The following SPEN variants were observed in gnomAD, a reference collection of about 807,000 sequenced individuals.
The protein encoded by SPEN is msx2-interacting protein.
SPEN carries 18 observed loss-of-function variants against 269.9 expected under a neutral mutation model. The ratio of observed to expected loss-of-function variants is 0.07; its 90% CI spans 0.05 to 0.10. The LOEUF (loss-of-function observed/expected upper bound fraction) is 0.10, where lower values mean the gene tolerates loss of function less well. Among genes scored for constraint, SPEN ranks in the 10% least tolerant of loss-of-function variants. The probability of loss-of-function intolerance (pLI) is 1.00; values close to 1 mark genes in which losing one functional copy is unlikely to be tolerated. For missense variants in SPEN, 3,822 were observed against 4,631.2 expected (o/e 0.83, Z 5.07); for synonymous variants, 1,726 against 1,765.7 (o/e 0.98, Z 0.56).
At chr1:15,916,900 G>T (rs754042480) in intron 6 of SPEN, among the ~76,000 whole-genome samples, 2 of 152,174 alleles carry the variant, frequency 1.3e-5, no homozygotes, top group Admixed American at 6.5e-5. Flanking sequence ...GGTGAGGTGG[G>T]CAGATCACTT....
At chr1:15,859,905 CTTTTTT>C (rs34195453) in intron 1 of SPEN, among the ~76,000 whole-genome samples, 6 of 79,632 alleles carry the variant, frequency 7.5e-5, no homozygotes, top group South Asian at 1.1e-3. Flanking sequence ...CAGTTAACAT[CTTTTTT>C]TTTTTTTTTT....
At chr1:15,873,283 C>T in intron 2 of SPEN, 147 bp downstream of exon 2, 1 of 1,395,360 alleles carries the variant, frequency 7.2e-7, no homozygotes, top group Non-Finnish European at 9.3e-7. Flanking sequence ...TGATTTATAT[C>T]CCAATGGCTG....
Position 15,931,117 on chromosome 1 carries a change from A to G in SPEN, c.4877A>G (p.Asn1626Ser). Residue 1626 changes from asparagine (N) to serine (S), a missense_variant, in exon 11 of 15, where the codon AAT becomes AGT. Asn to Ser is a conservative substitution (Grantham distance 46, BLOSUM62 1). Around this residue, in one of 16 missense-constraint regions of SPEN, gnomAD observed 533 missense variants for 618.8 expected, o/e 0.86. Coordinates refer to ENST00000375759, the MANE Select transcript of SPEN (RefSeq NM_015001.3). The surrounding 1 kb of genome is among the most constrained non-coding windows in gnomAD (Gnocchi z 4.8). The part of the protein sequence containing the change: ...HPKTPESAPE[N>S]KDSELKTPPS... ...AAGACCCCAGAATCTGCTCCTGAGA[A>G]TAAAGATTCAGAACTGAAAACTCCA... is the stretch of plus-strand genomic sequence containing the variant. 1 of 1,614,230 alleles carries G rather than the reference A, an allele frequency of 6.2e-7. No homozygotes were observed. The highest frequency in any genetic ancestry group is 1.7e-5 in the Admixed American group (1 of 60,028).
intron 3 of SPEN, among the ~76,000 whole-genome samples, chr1:15,895,401 T>C (rs1557746980): frequency 6.6e-6 from 1 of 152,214 alleles, no homozygotes. Flanking sequence ...GGTACCCATA[T>C]ATGTGGAACC....
rs2070294760 is a variant in SPEN, at chr1:15,848,282, C to T, written c.83+132C>T. 2.1e-6 allele frequency: 1 copy of T among 473,094 alleles called. No homozygotes were observed. 29.3% of individuals were successfully genotyped at this position (473,094 alleles called of 1,614,324 possible). On this transcript the variant is annotated intron_variant, in intron 1 of 14. Transcript: ENST00000375759. The surrounding 1 kb of genome is among the most constrained non-coding windows in gnomAD (Gnocchi z 5.1). ...GCCCGGACCCACGGGCGCTGTGGGA[C>T]CTCGTCAGCCGCTCGGCCCGCGTCG... is the stretch of plus-strand genomic sequence containing the variant.
chr1:15,891,223 C>G (rs996145436), intron 3 of SPEN, among the ~76,000 whole-genome samples: 1 of 152,104 alleles, frequency 6.6e-6, no homozygotes, highest in African/African-American at 2.4e-5. Flanking sequence ...CAGTCTTGCT[C>G]TGTCACCCTG....
At position 15,847,933 on chromosome 1, in the gene SPEN, AGCCGCCGCCGCTGCCGACGCCACCGCC is replaced by A; in HGVS notation, c.-132_-106del. On this transcript the variant is annotated 5_prime_UTR_variant, in exon 1 of 15. Transcript: ENST00000375759. ...TCTCTGCACGGGGGGGAGCCGGAGG[AGCCGCCGCCGCTGCCGACGCCACCGCC>A]GCAGCCGCCGCCGCCGCCGCCCCGG... 1 of 370,462 alleles carries A rather than the reference AGCCGCCGCCGCTGCCGACGCCACCGCC, an allele frequency of 2.7e-6. No individual in the cohort carries two copies. The highest frequency in any genetic ancestry group is 4.7e-6 in the Non-Finnish European group (1 of 214,474). The allele number at this position is 370,462 out of a possible 1,614,324, so 22.9% of individuals were successfully genotyped here. A position where few individuals can be genotyped will look rare whatever the true frequency, so the allele number is the denominator to read the frequency against.
chr1:15,935,560 G>A lies in SPEN; in HGVS notation c.9320G>A (p.Ser3107Asn), dbSNP rs1470491514. 6.2e-7 allele frequency: 1 copy of A among 1,614,024 alleles called. No homozygotes were observed. Among genetic ancestry groups the A allele is most frequent in the South Asian group, 1.1e-5 (1 of 91,084 alleles). Residue 3107 changes from serine to asparagine, a missense_variant, in exon 11 of 15, where the codon AGT (serine) becomes AAT (asparagine). This residue lies in a region of SPEN where 153 missense variants were observed against 228.5 expected (regional missense o/e 0.67). Transcript: ENST00000375759. The surrounding 1 kb of genome is among the most constrained non-coding windows in gnomAD (Gnocchi z 7.7). ...AGAATGAACACTCCCACGCTGCCCAGTATCACCTACAGCATCCGGCCAGAA... is the reference window on the plus strand; with the variant it reads ...AGAATGAACACTCCCACGCTGCCCAATATCACCTACAGCATCCGGCCAGAA... ...EVRMNTPTLP[S>N]ITYSIRPEAL...
At chr1:15,893,374 A>G (rs1355888318) in intron 3 of SPEN, among the ~76,000 whole-genome samples, 1 of 152,168 alleles carries the variant, frequency 6.6e-6, no homozygotes, top group Non-Finnish European at 1.5e-5. Flanking sequence ...ATGCTGTGTC[A>G]TGGTGTGTGG....
intron 3 of SPEN, among the ~76,000 whole-genome samples, chr1:15,908,156 C>T (rs1359576099): frequency 1.3e-5 from 2 of 151,656 alleles, no homozygotes; most frequent in East Asian, 3.8e-4. Context: ...AAAAATTACC[C>T]ATGAGGTAGT....
chr1:15,914,606 T>C (rs1483156217), intron 5 of SPEN, among the ~76,000 whole-genome samples: 1 of 152,160 alleles, frequency 6.6e-6, no homozygotes, highest in Non-Finnish European at 1.5e-5. Context: ...GCGGATCACC[T>C]GAGGTCAGGA....
At chr1:15,917,980 A>G (rs2071081228) in intron 6 of SPEN, 1 of 152,220 alleles carries the variant, frequency 6.6e-6, no homozygotes, top group Non-Finnish European at 1.5e-5. Context: ...TGATGGAGAA[A>G]TGGATGACCT....
chr1:15,918,025 G>A (rs978191247), intron 6 of SPEN: 1 of 152,030 alleles, frequency 6.6e-6, no homozygotes, highest in African/African-American at 2.4e-5. Flanking sequence ...AAATTATTTT[G>A]GTTTTGTGGG....
At chr1:15,902,489 TA>T (rs1364024828) in intron 3 of SPEN, among the ~76,000 whole-genome samples, 7 of 152,074 alleles carry the variant, frequency 4.6e-5, no homozygotes, top group African/African-American at 1.7e-4. Context: ...GTGGAAGTAT[TA>T]TTACTTGCTG....
intron 3 of SPEN, among the ~76,000 whole-genome samples, chr1:15,891,198 A>T (rs1475294731): frequency 2.0e-5 from 3 of 151,412 alleles, no homozygotes; most frequent in South Asian, 4.2e-4. Context: ...TATGAAAAAA[A>T]TTTTTTTTTA....
In SPEN at chr1:15,935,748, A is replaced by G; in HGVS notation, c.9508A>G (p.Thr3170Ala). Residue 3170 changes from threonine (T) to alanine (A), a missense_variant, in exon 11 of 15, where the codon ACA becomes GCA. Physicochemically the swap from Thr to Ala is moderately conservative, Grantham distance 58 (BLOSUM62 0). Transcript: ENST00000375759. This position sits in a 1 kb window ranked among gnomAD's most constrained non-coding sequence, Gnocchi z 7.7. ...VHYHLPVARATAPVQSEVLVM... is the reference protein window; with the variant it reads ...VHYHLPVARAAAPVQSEVLVM... ...TTATCACCTTCCTGTCGCTCGAGCC[A>G]CAGCCCCTGTGCAGTCAGAGGTACT... is the stretch of plus-strand genomic sequence containing the variant. The G allele has an allele frequency of 6.2e-7, 1 of 1,613,574 alleles. No homozygotes were observed.
At chr1:15,910,651 A>T (rs1411971444) in intron 4 of SPEN, among the ~76,000 whole-genome samples, 1 of 151,304 alleles carries the variant, frequency 6.6e-6, no homozygotes, top group Non-Finnish European at 1.5e-5. Flanking sequence ...CTTTAAGGTG[A>T]ATCCTTGATG....
In SPEN at chr1:15,909,382, G is replaced by A. The variant is rs2148728246; in HGVS notation, c.943G>A (p.Val315Ile). 1 of 1,614,200 alleles carries A rather than the reference G, an allele frequency of 6.2e-7. No homozygotes were observed. The highest frequency in any genetic ancestry group is 2.2e-5 in the East Asian group (1 of 44,882). ...SPARSVQSAA[V>I]PAPTSQLLSS... ...AGCTCGATCAGTTCAGTCTGCAGCA[G>A]TCCCTGCACCCACTTCCCAGTTGCT... Residue 315 changes from valine to isoleucine, a missense_variant, in exon 4 of 15, where the codon GTC becomes ATC. Physicochemically the swap from Val to Ile is conservative, Grantham distance 29 (BLOSUM62 3). This residue lies in a region of SPEN where 327 missense variants were observed against 350.8 expected (regional missense o/e 0.93). Coordinates refer to ENST00000375759, the MANE Select transcript of SPEN (RefSeq NM_015001.3).
intron 6 of SPEN, among the ~76,000 whole-genome samples, chr1:15,918,235 T>C (rs1310480021): frequency 3.3e-5 from 5 of 152,264 alleles, no homozygotes; most frequent in African/African-American, 1.2e-4. Context: ...ATTTTATTTA[T>C]TTATTTTTAA....
Sources: allele counts gnomAD v4.1 joint callset (sites outside exome capture counted in the v4.1 genomes callset), GRCh38; gene constraint gnomAD v4.1.1; regional missense constraint gnomAD v4.1.1; non-coding constraint Gnocchi (gnomAD v3.1); transcripts MANE v1.5; gene names NCBI Gene and HGNC (gene_info 2026-07-23, HGNC 2026-07-21).